Variants in ATAD2B observed in about 807,000 individuals in gnomAD.
The protein encoded by ATAD2B is ATPase family AAA domain-containing protein 2B.
A neutral mutation model predicts 167.6 loss-of-function variants in ATAD2B; 40 were observed. The observed-to-expected ratio is 0.24, with a 90% CI of 0.19 to 0.31. ATAD2B has a LOEUF of 0.31. ATAD2B is among the 10% of genes least tolerant of loss of function. ATAD2B has a pLI of 1.00. For missense variants in ATAD2B, 1,242 were observed against 1,757.2 expected (o/e 0.71, Z 5.24); for synonymous variants, 579 against 596.5 (o/e 0.97, Z 0.43).
intron 24 of ATAD2B, among the ~76,000 whole-genome samples, chr2:23,759,754 G>C (rs954405041): frequency 6.6e-6 from 1 of 152,126 alleles, no homozygotes; most frequent in Non-Finnish European, 1.5e-5. Context: ...AATTAGCATA[G>C]AGAAGAAAAT....
At chr2:23,778,985 C>T (rs189941106) in intron 22 of ATAD2B, among the ~76,000 whole-genome samples, 43 of 152,214 alleles carry the variant, frequency 2.8e-4, no homozygotes, top group Middle Eastern at 3.4e-3. Flanking sequence ...TACAGTTGTA[C>T]GGGTTGTACC....
rs183707632 is a variant in ATAD2B, at chr2:23,856,489, A to C, written c.1568+926T>G. 4.4e-4 allele frequency: 177 copies of C among 400,164 alleles called. 1 individual carries two copies. Among genetic ancestry groups the C allele is most frequent in the African/African-American group, 3.4e-3 (158 of 46,104 alleles). The allele number at this position is 400,164 out of a possible 1,614,324, so 24.8% of individuals were successfully genotyped here. On this transcript the variant is annotated intron_variant, in intron 13 of 27. Transcript: ENST00000238789. ...ATCTCCCATCAGATGGTAGATTGAA[A>C]AATAAATAGTAGTATACACACACAC...
intron 2 of ATAD2B, among the ~76,000 whole-genome samples, chr2:23,894,410 G>A (rs981500435): frequency 2.6e-5 from 4 of 151,530 alleles, no homozygotes; most frequent in African/African-American, 9.7e-5. Context: ...GAACCTGGGA[G>A]ACAGAGGTTG....
intron 1 of ATAD2B, among the ~76,000 whole-genome samples, chr2:23,901,435 C>T (rs531917351): frequency 6.6e-6 from 1 of 151,976 alleles, no homozygotes; most frequent in Non-Finnish European, 1.5e-5. Context: ...TAGTTGCAGC[C>T]CTACTATACA....
the ATAD2B span, among the ~76,000 whole-genome samples, chr2:23,730,717 G>A: frequency 2.3e-5 from 3 of 128,672 alleles, no homozygotes; most frequent in African/African-American, 5.5e-5. Flanking sequence ...ATGTCAAAAT[G>A]TATGGAACAC....
At chr2:23,701,788 TTTTG>T in the ATAD2B span, among the ~76,000 whole-genome samples, 2 of 45,870 alleles carry the variant, frequency 4.4e-5, no homozygotes, top group Non-Finnish European at 5.3e-5. Flanking sequence ...CATGGCTTTT[TTTTG>T]CTTTTTTTTT....
At chr2:23,910,173 CTTTTTTTTTTT>C (rs756806271) in intron 1 of ATAD2B, among the ~76,000 whole-genome samples, 2 of 106,898 alleles carry the variant, frequency 1.9e-5, no homozygotes, top group South Asian at 3.1e-4. Flanking sequence ...CTTGCATACT[CTTTTTTTTTTT>C]TTTTTTTTTT....
the ATAD2B span, chr2:23,691,079 C>G: frequency 6.5e-6 from 1 of 154,400 alleles, no homozygotes; most frequent in Admixed American, 6.4e-5. Context: ...TCGTCTTGTC[C>G]TCAGTTTCAA....
chr2:23,776,040 C>T (rs1679066608), intron 22 of ATAD2B, among the ~76,000 whole-genome samples: 1 of 152,076 alleles, frequency 6.6e-6, no homozygotes, highest in Non-Finnish European at 1.5e-5. Context: ...CGCATGAACC[C>T]GAGAGACGGA....
intron 12 of ATAD2B, among the ~76,000 whole-genome samples, chr2:23,859,813 C>CGG (rs201335939): frequency 2.7e-5 from 4 of 150,086 alleles, no homozygotes; most frequent in Non-Finnish European, 5.9e-5. Context: ...CCACGCGTGG[C>CGG]GGGGGGGGCA....
intron 19 of ATAD2B, among the ~76,000 whole-genome samples, chr2:23,792,460 T>C (rs1430756789): frequency 3.4e-5 from 5 of 148,136 alleles, no homozygotes. Flanking sequence ...GTTAAGAACT[T>C]AAGATCTAAA....
chr2:23,853,714 A>C (rs1198241295), intron 13 of ATAD2B, among the ~76,000 whole-genome samples: 1 of 152,246 alleles, frequency 6.6e-6, no homozygotes, highest in Non-Finnish European at 1.5e-5. Context: ...TTAGAAATGT[A>C]AATGGAAAGA....
At chr2:23,890,641 T>G (rs1323244530) in intron 2 of ATAD2B, among the ~76,000 whole-genome samples, 1 of 152,218 alleles carries the variant, frequency 6.6e-6, no homozygotes, top group African/African-American at 2.4e-5. Flanking sequence ...TTCACAAGTC[T>G]TGGCACCAAA....
chr2:23,875,775 C>A, intron 8 of ATAD2B, 54 bp downstream of exon 8: 1 of 1,160,684 alleles, frequency 8.6e-7, no homozygotes, highest in Non-Finnish European at 1.3e-6. Flanking sequence ...AAGAAAGACA[C>A]AATTAGTCTC....
intron 1 of ATAD2B, among the ~76,000 whole-genome samples, chr2:23,917,645 A>T (rs570758759): frequency 3.3e-5 from 5 of 152,164 alleles, no homozygotes; most frequent in African/African-American, 1.2e-4. Flanking sequence ...TACTGAGAAG[A>T]GCCAGGTGCA....
chr2:23,861,132 T>C (rs1003882378), intron 12 of ATAD2B, among the ~76,000 whole-genome samples: 2 of 150,584 alleles, frequency 1.3e-5, no homozygotes, highest in Non-Finnish European at 3.0e-5. Context: ...CAAACAACTG[T>C]TGTTGTTGTT....
At chr2:23,811,482 C>T (rs1245312907) in intron 17 of ATAD2B, 4 of 152,340 alleles carry the variant, frequency 2.6e-5, no homozygotes, top group Admixed American at 2.6e-4. Context: ...GACTTTCAGC[C>T]TCCGTTAACT....
intron 22 of ATAD2B, among the ~76,000 whole-genome samples, chr2:23,777,317 C>A (rs528655208): frequency 6.7e-6 from 1 of 150,292 alleles, no homozygotes. Flanking sequence ...AGTAGTTATC[C>A]GGTAGGCATT....
chr2:23,838,920 A>G (rs1690441737), intron 13 of ATAD2B, among the ~76,000 whole-genome samples: 1 of 152,174 alleles, frequency 6.6e-6, no homozygotes. Context: ...AAGAAAAGAT[A>G]ATTGAAAAAT....
Sources: gnomAD v4.1 joint callset for allele counts (sites outside exome capture counted in the v4.1 genomes callset) on GRCh38, gnomAD v4.1.1 for gene constraint, MANE v1.5 for transcripts, NCBI Gene and HGNC (gene_info 2026-07-23, HGNC 2026-07-21) for gene names.